Variants in PRH1 observed in about 807,000 individuals in gnomAD.
PRH1 encodes proline rich protein HaeIII subfamily 1, also known as salivary acidic proline-rich phosphoprotein 1/2.
Under a neutral mutation model 7.9 loss-of-function variants are expected in PRH1, and 7 were observed. The observed-to-expected ratio is 0.89, with a 90% CI of 0.50 to 1.67. The LOEUF (loss-of-function observed/expected upper bound fraction) is 1.67, where lower values mean the gene tolerates loss of function less well. Ranked by LOEUF, PRH1 falls within the 40% of genes most tolerant of loss-of-function variation. PRH1 has a pLI of 0.00. For synonymous variants in PRH1, 45 were observed against 80.8 expected (o/e 0.56, Z 2.38); for missense variants, 109 against 223.6 (o/e 0.49, Z 3.27).
intron 1 of PRH1, among the ~76,000 whole-genome samples, chr12:11,071,627 G>T (rs1401476386): frequency 1.3e-5 from 2 of 152,184 alleles, no homozygotes; most frequent in African/African-American, 4.8e-5. Flanking sequence ...TAATGGTGTT[G>T]ACTCAAAGTT....
In PRH1 at chr12:10,882,228, T is replaced by C. The variant is rs1949412566; in HGVS notation, c.*7A>G. 1 of 1,613,732 alleles carries C rather than the reference T, an allele frequency of 6.2e-7. No homozygotes were observed. ...AACTGGAATCGTACCTGTCATTGAA[T>C]CCTAGATTACTGAGGAGACTGCCCC... On this transcript the variant is annotated 3_prime_UTR_variant, in exon 3 of 4. Coordinates refer to ENST00000543626, the MANE Select transcript of PRH1 (RefSeq NM_001393989.1).
At chr12:11,016,186 A>C (rs999225600) in intron 1 of PRH1, among the ~76,000 whole-genome samples, 1 of 152,170 alleles carries the variant, frequency 6.6e-6, no homozygotes, top group African/African-American at 2.4e-5. Context: ...CTGATAGATA[A>C]GGCACCAAGC....
At chr12:11,128,459 T>C (rs1186170487) in intron 1 of PRH1, among the ~76,000 whole-genome samples, 3 of 151,876 alleles carry the variant, frequency 2.0e-5, no homozygotes, top group Non-Finnish European at 4.4e-5. Flanking sequence ...TAATCACCTA[T>C]AAAAAGCGGG....
At chr12:11,023,510 A>G (rs1288250510) in intron 1 of PRH1, among the ~76,000 whole-genome samples, 3 of 152,220 alleles carry the variant, frequency 2.0e-5, no homozygotes, top group Non-Finnish European at 4.4e-5. Flanking sequence ...TCTTTGTCAC[A>G]TAATCCTGCA....
chr12:11,136,881 T>C (rs1684765300), intron 1 of PRH1, among the ~76,000 whole-genome samples: 1 of 152,124 alleles, frequency 6.6e-6, no homozygotes, highest in African/African-American at 2.4e-5. Flanking sequence ...GAGCCAGGCA[T>C]AGTGAAGCTA....
At chr12:10,918,472 A>G (rs573229765) in intron 2 of PRH1, among the ~76,000 whole-genome samples, 1 of 152,350 alleles carries the variant, frequency 6.6e-6, no homozygotes, top group African/African-American at 2.4e-5. Flanking sequence ...AGCAACATAA[A>G]ATGGACTAAG....
chr12:10,969,110 A>G (rs541082459), intron 2 of PRH1, among the ~76,000 whole-genome samples: 18 of 152,316 alleles, frequency 1.2e-4, no homozygotes, highest in African/African-American at 4.3e-4. Context: ...TCTCAGCAGG[A>G]AGGGGAGCTG....
chr12:10,990,246 G>A (rs2135991821), intron 1 of PRH1, among the ~76,000 whole-genome samples: 1 of 152,228 alleles, frequency 6.6e-6, no homozygotes, highest in East Asian at 1.9e-4. Context: ...AAATGGTGCT[G>A]GGAAAATTGG....
intron 1 of PRH1, chr12:11,061,289 A>G: frequency 6.6e-7 from 1 of 1,526,560 alleles, no homozygotes. Context: ...TACAGAAAAC[A>G]CAGTAAGAAA....
chr12:11,000,224 C>T (rs999319322), intron 1 of PRH1, among the ~76,000 whole-genome samples: 1 of 152,022 alleles, frequency 6.6e-6, no homozygotes, highest in Non-Finnish European at 1.5e-5. Flanking sequence ...CAGCAAGACG[C>T]TATTATTTTA....
intron 2 of PRH1, among the ~76,000 whole-genome samples, chr12:10,903,207 T>C (rs1949748058): frequency 6.6e-6 from 1 of 152,038 alleles, no homozygotes; most frequent in South Asian, 2.1e-4. Context: ...AGAATCACTA[T>C]TCCTATATAA....
chr12:10,954,833 A>C (rs1284904488), intron 2 of PRH1, among the ~76,000 whole-genome samples: 6 of 152,118 alleles, frequency 3.9e-5, no homozygotes, highest in Non-Finnish European at 8.8e-5. Flanking sequence ...AAGAAGAAAC[A>C]GAAGGGCATT....
chr12:11,147,505 T>C (rs1946900732), intron 1 of PRH1, among the ~76,000 whole-genome samples: 1 of 152,216 alleles, frequency 6.6e-6, no homozygotes, highest in Admixed American at 6.5e-5. Context: ...TTTTTAAATT[T>C]ACATATTGTA....
chr12:11,051,937 C>T (rs961934849), upstream of PRH1, among the ~76,000 whole-genome samples: 4 of 91,306 alleles, frequency 4.4e-5, no homozygotes, highest in Non-Finnish European at 8.0e-5. Context: ...AATAATTCTA[C>T]AATGAGCATT....
intron 2 of PRH1, among the ~76,000 whole-genome samples, chr12:10,919,243 T>C (rs1950013471): frequency 6.6e-6 from 1 of 152,222 alleles, no homozygotes; most frequent in Non-Finnish European, 1.5e-5. Context: ...GAAAAATCTA[T>C]CTCACACAAT....
At chr12:10,956,520 G>T (rs527986205) in intron 2 of PRH1, among the ~76,000 whole-genome samples, 2 of 152,024 alleles carry the variant, frequency 1.3e-5, no homozygotes, top group Non-Finnish European at 2.9e-5. Flanking sequence ...ACAAGACAAG[G>T]GTGTCCTCTC....
At chr12:10,918,093 C>T (rs1437200530) in intron 2 of PRH1, among the ~76,000 whole-genome samples, 1 of 152,146 alleles carries the variant, frequency 6.6e-6, no homozygotes, top group Non-Finnish European at 1.5e-5. Flanking sequence ...AGCTGGAAGC[C>T]ATTATCCTCA....
At chr12:10,939,121 C>A (rs146473354) in intron 2 of PRH1, 1 of 1,607,300 alleles carries the variant, frequency 6.2e-7, no homozygotes, top group Non-Finnish European at 8.5e-7. Context: ...TACAGTTCAC[C>A]AGTGCTATGA....
chr12:11,120,516 T>C (rs1433428343), downstream of PRH1, among the ~76,000 whole-genome samples: 3 of 152,192 alleles, frequency 2.0e-5, no homozygotes, highest in South Asian at 2.1e-4. Context: ...ACTGACGTTT[T>C]AGTCCTCTGC....
Sources: gnomAD v4.1 joint callset for allele counts (sites outside exome capture counted in the v4.1 genomes callset) on GRCh38, gnomAD v4.1.1 for gene constraint, MANE v1.5 for transcripts, NCBI Gene and HGNC (gene_info 2026-07-23, HGNC 2026-07-21) for gene names.